The following INTS2 variants were observed in gnomAD, a reference collection of about 807,000 sequenced individuals.
INTS2 encodes the protein integrator complex subunit 2, also known as KIAA1287.
In INTS2, 57 loss-of-function variants were observed where a neutral mutation model predicts 139.6. The observed-to-expected ratio is 0.41, with a 90% CI of 0.33 to 0.51. The LOEUF (loss-of-function observed/expected upper bound fraction) is 0.51, where lower values mean the gene tolerates loss of function less well. Ranked by LOEUF, INTS2 falls within the 20% of genes least tolerant of loss-of-function variation. The probability of loss-of-function intolerance (pLI) is 0.28; values close to 1 mark genes in which losing one functional copy is unlikely to be tolerated. For missense variants in INTS2, 1,196 were observed against 1,436.7 expected, an observed-to-expected ratio of 0.83 and a Z score of 2.71; for synonymous variants, 473 against 493.4, an observed-to-expected ratio of 0.96 and a Z score of 0.55.
At chr17:61,877,138 T>C (rs973457986) in intron 18 of INTS2, among the ~76,000 whole-genome samples, 1 of 152,136 alleles carries the variant, frequency 6.6e-6, no homozygotes, top group African/African-American at 2.4e-5. Flanking sequence ...CTTCACCTTG[T>C]AGAGTAGAAA....
chr17:61,886,055 A>C (rs1407679372), intron 15 of INTS2, among the ~76,000 whole-genome samples: 2 of 149,168 alleles, frequency 1.3e-5, no homozygotes, highest in Non-Finnish European at 3.0e-5. Context: ...GTGGTGACTA[A>C]ATCTTTTTTT....
chr17:61,924,404 T>C (rs1009542053), intron 3 of INTS2, among the ~76,000 whole-genome samples: 14 of 151,992 alleles, frequency 9.2e-5, no homozygotes, highest in African/African-American at 3.4e-4. Flanking sequence ...CGGAAAAAAA[T>C]CCCTCTCATA....
rs370335372 is a variant in INTS2 at position 61,904,568 on chromosome 17, G to T, written c.1199C>A (p.Ala400Asp). The change falls in exon 9 of 25, where the codon GCT becomes GAT. Residue 400 changes from alanine (A) to aspartate (D), a missense_variant. Coordinates refer to ENST00000251334, the MANE Select transcript of INTS2 (RefSeq NM_001351695.2). ...IAGLKPTEEEAEQLLQLMTSR... is the reference protein window; with the variant it reads ...IAGLKPTEEEDEQLLQLMTSR... ...CGTCATCAACTGCAGTAATTGCTCA[G>T]CTTCTTCTTCAGTTGGTCTAAAAAG... The T allele has an allele frequency of 1.6e-5, 25 of 1,611,116 alleles. No homozygotes were observed. In the African/African-American group the frequency reaches 1.6e-4, roughly 10 times the overall value.
rs185380556 is a variant in INTS2, at chr17:61,924,600, C to T, written c.432+361G>A. Among the ~76,000 whole-genome samples, 523 of 152,238 alleles carry T rather than the reference C, an allele frequency of 3.4e-3. 2 individuals are homozygous for T. Among genetic ancestry groups the T allele is most frequent in the African/African-American group, 0.011 (471 of 41,540 alleles). ...TTGGGAGGCTGAGGCGGGTGGATCACCTGAGTTCAGGAGTTCGAGACCAGC... is the reference window on the plus strand; with the variant it reads ...TTGGGAGGCTGAGGCGGGTGGATCATCTGAGTTCAGGAGTTCGAGACCAGC... On this transcript the variant is annotated intron_variant, in intron 3 of 24. Transcript: ENST00000251334.
chr17:61,884,251 G>A (rs1293425977), intron 16 of INTS2, among the ~76,000 whole-genome samples: 1 of 152,130 alleles, frequency 6.6e-6, no homozygotes, highest in Non-Finnish European at 1.5e-5. Flanking sequence ...AGCACTTTGG[G>A]AGGCCGAGGT....
Position 61,907,392 on chromosome 17 carries a change from T to A in INTS2, c.1181+16A>T. The A allele has an allele frequency of 6.5e-7, 1 of 1,546,002 alleles. No individual in the cohort carries two copies. The highest frequency in any genetic ancestry group is 1.2e-5 in the South Asian group (1 of 83,940). On this transcript the variant is annotated intron_variant, in intron 8 of 24. Transcript: ENST00000251334. ...GGTAAAATGACAAAAAGGTAAAATA[T>A]CAAACTATTGAATACTTGAGTCCAG... is the stretch of plus-strand genomic sequence containing the variant.
At chr17:61,911,874 C>A in intron 6 of INTS2, 66 bp downstream of exon 6, 2 of 1,540,006 alleles carry the variant, frequency 1.3e-6, no homozygotes, top group Non-Finnish European at 1.8e-6. Flanking sequence ...ACTCTAAAAC[C>A]ATCTTGAGAA....
At position 61,882,507 on chromosome 17, in the gene INTS2, T is replaced by C. The variant is rs962415951; in HGVS notation, c.2090-1336A>G. On this transcript the variant is annotated intron_variant, in intron 16 of 24. Transcript: ENST00000251334. The surrounding 1 kb of genome is among the most constrained non-coding windows in gnomAD (Gnocchi z 4.7). ...ACCTTGGGAGACTGAGGGAGATGGA[T>C]CACTTGAGGCCAGGAGTTGGAGACC... 2.0e-5 allele frequency among the ~76,000 whole-genome samples: 3 copies of C among 152,178 alleles called. No individual in the cohort carries two copies. Among genetic ancestry groups the C allele is most frequent in the Non-Finnish European group, 2.9e-5 (2 of 68,034 alleles).
In INTS2 at chr17:61,925,182, G is replaced by A. The variant is rs2079696807; in HGVS notation, c.294-83C>T. 4.8e-6 allele frequency: 6 copies of A among 1,249,902 alleles called. No individual in the cohort carries two copies. The East Asian group carries it at 9.9e-5, about 21-fold the overall frequency. 77.4% of individuals were successfully genotyped at this position (1,249,902 alleles called of 1,614,324 possible). A position where few individuals can be genotyped will look rare whatever the true frequency, so the allele number is the denominator to read the frequency against. Reference sequence around the variant, plus strand: ...TAAAAATTATCTTTTATTGAAATAAGCTATAAAAGGATGTATAAAGTGTTC... The same window carrying A: ...TAAAAATTATCTTTTATTGAAATAAACTATAAAAGGATGTATAAAGTGTTC... On this transcript the variant is annotated intron_variant, in intron 2 of 24. Transcript: ENST00000251334.
Position 61,869,997 on chromosome 17 carries a change from AAAC to A in INTS2, c.2779-12_2779-10del. 6.3e-7 allele frequency: 1 copy of A among 1,586,448 alleles called. No homozygotes were observed. Among genetic ancestry groups the A allele is most frequent in the Non-Finnish European group, 8.6e-7 (1 of 1,167,146 alleles). ...TGGACAGCTGCACTATCCTATAAGC[AAAC>A]AAAACATAGAAAAAGTAAGAAGTTT... On this transcript the variant is annotated splice_polypyrimidine_tract_variant and intron_variant, in intron 20 of 24. Transcript: ENST00000251334. The surrounding 1 kb of genome is among the most constrained non-coding windows in gnomAD (Gnocchi z 5.4).
intron 9 of INTS2, among the ~76,000 whole-genome samples, chr17:61,899,384 G>T (rs1255896965): frequency 1.3e-5 from 2 of 151,990 alleles, no homozygotes; most frequent in Non-Finnish European, 2.9e-5. Context: ...CCGAGCAGCT[G>T]GGATTACAGG....
chr17:61,926,947 T>G (rs374499056), intron 1 of INTS2, among the ~76,000 whole-genome samples: 18 of 152,112 alleles, frequency 1.2e-4, no homozygotes, highest in African/African-American at 4.1e-4. Flanking sequence ...AGAGATGAAG[T>G]AACACGCCCA....
At chr17:61,903,101 C>G (rs1420558396) in intron 9 of INTS2, among the ~76,000 whole-genome samples, 18 of 139,624 alleles carry the variant, frequency 1.3e-4, no homozygotes, top group African/African-American at 4.6e-4. Flanking sequence ...GGAGGTGGAG[C>G]TTGCAGTGAG....
Position 61,902,846 on chromosome 17 carries a change from G to A in INTS2, c.1307+1614C>T, listed in dbSNP as rs1466245437. On this transcript the variant is annotated intron_variant, in intron 9 of 24. Coordinates refer to ENST00000251334, the MANE Select transcript of INTS2 (RefSeq NM_001351695.2). Reference sequence around the variant, plus strand: ...GATTGTGCCATAGCACTACAGCCTGGGTGAAAGAGCTTAAAAAAAAAAAAA... The same window carrying A: ...GATTGTGCCATAGCACTACAGCCTGAGTGAAAGAGCTTAAAAAAAAAAAAA... Among the ~76,000 whole-genome samples, 4 of 148,540 alleles carry A rather than the reference G, an allele frequency of 2.7e-5. No homozygotes were observed. In the East Asian group the frequency reaches 7.9e-4, roughly 29 times the overall value.
intron 5 of INTS2, among the ~76,000 whole-genome samples, chr17:61,914,480 A>C (rs1193328744): frequency 6.6e-6 from 1 of 152,130 alleles, no homozygotes; most frequent in Non-Finnish European, 1.5e-5. Flanking sequence ...AGGGCGCATC[A>C]CGAGGTCAGG....
intron 6 of INTS2, 42 bp from the exon 7 acceptor site, chr17:61,911,735 C>A: frequency 1.3e-6 from 2 of 1,572,510 alleles, no homozygotes; most frequent in Middle Eastern, 1.7e-4. Flanking sequence ...GTATCATAAG[C>A]AAAAAGGCCA....
rs1271586890 is a variant in INTS2, at chr17:61,874,989, G to A, written c.2506C>T (p.Arg836Ter). The A allele has an allele frequency of 6.3e-7, 1 of 1,596,690 alleles. No individual in the cohort carries two copies. Among genetic ancestry groups the A allele is most frequent in the Non-Finnish European group, 8.5e-7 (1 of 1,170,286 alleles). ...NALQPSIKFV[R>*]QQKYTQNDLM... ...TCATTCTGAGTATACTTTTGTTGTC[G>A]TACAAACTTTATTGAAGGCTGAAGT... Residue 836 changes from arginine to a stop codon, truncating the protein, a stop_gained, in exon 19 of 25, where the codon CGA becomes TGA. Coordinates refer to ENST00000251334, the MANE Select transcript of INTS2 (RefSeq NM_001351695.2). LOFTEE classifies it high-confidence loss of function.
chr17:61,887,438 G>T (rs112364829), intron 15 of INTS2, among the ~76,000 whole-genome samples: 5 of 148,610 alleles, frequency 3.4e-5, no homozygotes, highest in African/African-American at 1.2e-4. Context: ...AGCTGAGATC[G>T]TGCCACTGCA....
chr17:61,869,079 T>C lies in INTS2; in HGVS notation c.3199A>G (p.Ser1067Gly). The C allele has an allele frequency of 1.2e-6, 2 of 1,613,028 alleles. No individual in the cohort carries two copies. Among genetic ancestry groups the C allele is most frequent in the Non-Finnish European group, 1.7e-6 (2 of 1,179,156 alleles). ...ACATTGACAGCTAAACGAGCCACAC[T>C]AAGTGACTTTGGTAATGCATATTGT... ...CIQYALPKSL[S>G]VARLAVNVMG... Residue 1067 changes from serine to glycine, a missense_variant, in exon 23 of 25, where the codon AGT becomes GGT. Transcript: ENST00000251334. The surrounding 1 kb of genome is among the most constrained non-coding windows in gnomAD (Gnocchi z 5.4).
Sources: gnomAD v4.1 joint callset for allele counts (sites outside exome capture counted in the v4.1 genomes callset) on GRCh38, gnomAD v4.1.1 for gene constraint, Gnocchi (gnomAD v3.1) non-coding constraint, MANE v1.5 for transcripts, NCBI Gene and HGNC (gene_info 2026-07-23, HGNC 2026-07-21) for gene names.